The following CAB39L variants were observed in gnomAD, a reference collection of about 807,000 sequenced individuals.
CAB39L encodes calcium-binding protein 39-like.
A neutral mutation model predicts 39.1 loss-of-function variants in CAB39L; 23 were observed. The observed-to-expected ratio is 0.59, with a 90% CI of 0.42 to 0.83. The LOEUF (loss-of-function observed/expected upper bound fraction) is 0.83, where lower values mean the gene tolerates loss of function less well. CAB39L is among the 40% of genes least tolerant of loss of function. The pLI is 0.00. For missense variants in CAB39L, 366 were observed against 391.9 expected (o/e 0.93, Z 0.56); for synonymous variants, 126 against 137.2 (o/e 0.92, Z 0.57).
chr13:49,336,774 T>C (rs1954860874), intron 9 of CAB39L, among the ~76,000 whole-genome samples: 1 of 152,212 alleles, frequency 6.6e-6, no homozygotes. Flanking sequence ...GCTATCCTTG[T>C]GGAGCCCTAC....
intron 5 of CAB39L, 52 bp from the exon 6 acceptor site, chr13:49,359,884 G>T: frequency 1.0e-6 from 1 of 967,348 alleles, no homozygotes; most frequent in Non-Finnish European, 1.7e-6. Flanking sequence ...TGGATGAATT[G>T]TATAGTATGT....
intron 6 of CAB39L, among the ~76,000 whole-genome samples, chr13:49,353,436 T>C (rs1184162134): frequency 2.6e-5 from 4 of 152,184 alleles, no homozygotes; most frequent in Non-Finnish European, 5.9e-5. Flanking sequence ...GCAAGATATA[T>C]GTGGATTTTT....
At chr13:49,442,953 G>A (rs1359933193) in intron 1 of CAB39L, among the ~76,000 whole-genome samples, 1 of 151,650 alleles carries the variant, frequency 6.6e-6, no homozygotes, top group Non-Finnish European at 1.5e-5. Context: ...ATAATACATC[G>A]GCTTTCTTTT....
rs1468655870 is a variant in CAB39L, at chr13:49,434,095, C to A, written c.-117G>T. The A allele has an allele frequency of 4.4e-6, 2 of 454,352 alleles. No individual in the cohort carries two copies. Among genetic ancestry groups the A allele is most frequent in the Non-Finnish European group, 8.8e-6 (2 of 226,328 alleles). The allele number at this position is 454,352 out of a possible 1,614,324, so 28.1% of individuals were successfully genotyped here. On this transcript the variant is annotated 5_prime_UTR_variant, in exon 2 of 11. In the 5' UTR this introduces an upstream ATG that the reference lacks. Transcript: ENST00000409308. Reference sequence around the variant, plus strand: ...ATAAGAGAAAACTTACGCTTCTCTCCTTTAGTGCATTGCTCTTGCATGAAG... The same window carrying A: ...ATAAGAGAAAACTTACGCTTCTCTCATTTAGTGCATTGCTCTTGCATGAAG...
intron 8 of CAB39L, among the ~76,000 whole-genome samples, chr13:49,340,540 G>A (rs1954979338): frequency 6.6e-6 from 1 of 152,174 alleles, no homozygotes; most frequent in Non-Finnish European, 1.5e-5. Flanking sequence ...CACCGATAGA[G>A]AATAAAGTGA....
chr13:49,441,381 C>T (rs945257963), intron 1 of CAB39L, among the ~76,000 whole-genome samples: 2 of 151,786 alleles, frequency 1.3e-5, no homozygotes, highest in Non-Finnish European at 2.9e-5. Context: ...TTGAGACCAG[C>T]CTGGGCAACA....
chr13:49,362,496 G>A (rs1329420449), intron 5 of CAB39L, among the ~76,000 whole-genome samples: 1 of 151,878 alleles, frequency 6.6e-6, no homozygotes, highest in Non-Finnish European at 1.5e-5. Flanking sequence ...TGATCAAGTA[G>A]AAGAAAGAAT....
intron 3 of CAB39L, among the ~76,000 whole-genome samples, chr13:49,394,015 T>C (rs1956548008): frequency 6.6e-6 from 1 of 151,934 alleles, no homozygotes; most frequent in African/African-American, 2.4e-5. Context: ...TTCTGTAATT[T>C]TATAAGTGAT....
chr13:49,401,870 T>C (rs560708716), intron 3 of CAB39L, among the ~76,000 whole-genome samples: 3 of 152,276 alleles, frequency 2.0e-5, no homozygotes, highest in African/African-American at 7.2e-5. Context: ...TTCCCAACCA[T>C]AAGAAAGTGG....
chr13:49,434,224 C>T lies in CAB39L; in HGVS notation c.-245-1G>A, dbSNP rs1377074992. On this transcript the variant is annotated splice_acceptor_variant, in intron 1 of 10. Coordinates refer to ENST00000409308, the MANE Select transcript of CAB39L (RefSeq NM_001079670.3). LOFTEE classifies it low-confidence loss of function (5UTR_SPLICE). ...TTCTTCTCAATATTTGATGGATATC[C>T]TGCAATAATGTAGGAAAAACAGCAC... 2.2e-6 allele frequency: 1 copy of T among 451,040 alleles called. No homozygotes were observed. Among genetic ancestry groups the T allele is most frequent in the East Asian group, 7.0e-5 (1 of 14,308 alleles). 27.9% of individuals were successfully genotyped at this position (451,040 alleles called of 1,614,324 possible).
chr13:49,402,289 C>T (rs940281135), intron 3 of CAB39L, among the ~76,000 whole-genome samples: 2 of 152,098 alleles, frequency 1.3e-5, no homozygotes, highest in Non-Finnish European at 2.9e-5. Context: ...TTACGAAACT[C>T]TCTGTAAGGT....
At chr13:49,442,387 T>C (rs901474550) in intron 1 of CAB39L, among the ~76,000 whole-genome samples, 1 of 152,208 alleles carries the variant, frequency 6.6e-6, no homozygotes, top group Non-Finnish European at 1.5e-5. Context: ...ACAAGTTTCT[T>C]AGAAAAGGTC....
chr13:49,321,934 T>C (rs775630922), intron 10 of CAB39L, among the ~76,000 whole-genome samples: 3 of 152,226 alleles, frequency 2.0e-5, no homozygotes, highest in African/African-American at 4.8e-5. Flanking sequence ...GAATATAGCA[T>C]AGTGATTACC....
intron 3 of CAB39L, among the ~76,000 whole-genome samples, chr13:49,406,704 T>C (rs992319681): frequency 6.6e-6 from 1 of 152,206 alleles, no homozygotes; most frequent in African/African-American, 2.4e-5. Context: ...GTTTTGATGC[T>C]TTTAATTCTA....
rs1363843097 is a variant in CAB39L at position 49,443,995 on chromosome 13, C to T, written c.-255G>A. On this transcript the variant is annotated 5_prime_UTR_variant, in exon 1 of 11. Transcript: ENST00000409308. ...GCAGCCTCACACCTACCGGAGGAAA[C>T]AGCTGCGCCACCACTCCAGTGATGC... The T allele has an allele frequency of 2.2e-6, 1 of 456,820 alleles. No homozygotes were observed. Among genetic ancestry groups the T allele is most frequent in the Admixed American group, 2.3e-5 (1 of 42,588 alleles). The allele number at this position is 456,820 out of a possible 1,614,324, so 28.3% of individuals were successfully genotyped here. A position where few individuals can be genotyped will look rare whatever the true frequency, so the allele number is the denominator to read the frequency against.
At chr13:49,338,056 T>C (rs578106304) in intron 9 of CAB39L, among the ~76,000 whole-genome samples, 1 of 152,340 alleles carries the variant, frequency 6.6e-6, no homozygotes, top group South Asian at 2.1e-4. Flanking sequence ...GAATTGGCTT[T>C]ATTTTCATTT....
intron 5 of CAB39L, among the ~76,000 whole-genome samples, chr13:49,371,443 G>T (rs1055538952): frequency 6.6e-6 from 1 of 152,110 alleles, no homozygotes; most frequent in African/African-American, 2.4e-5. Flanking sequence ...AAAATGCTGG[G>T]ATTACAGACG....
chr13:49,412,422 AT>A (rs1452773876), intron 3 of CAB39L, among the ~76,000 whole-genome samples: 1 of 152,056 alleles, frequency 6.6e-6, no homozygotes, highest in African/African-American at 2.4e-5. Context: ...AATAATAAGC[AT>A]TTTTTTCATT....
chr13:49,370,993 T>C (rs558554766), intron 5 of CAB39L, among the ~76,000 whole-genome samples: 1 of 152,228 alleles, frequency 6.6e-6, no homozygotes, highest in East Asian at 1.9e-4. Context: ...ACAAAATATA[T>C]ACACAATCAA....
Sources: gnomAD v4.1 joint callset for allele counts (sites outside exome capture counted in the v4.1 genomes callset) on GRCh38, gnomAD v4.1.1 for gene constraint, MANE v1.5 for transcripts, NCBI Gene and HGNC (gene_info 2026-07-23, HGNC 2026-07-21) for gene names.